HSF2: variants seen among roughly 807,000 people sequenced by gnomAD.
HSF2 encodes heat shock factor protein 2.
HSF2 carries 21 observed loss-of-function variants against 65.0 expected under a neutral mutation model. That is an observed-to-expected ratio of 0.32 (90% CI 0.23 to 0.47). HSF2 has a LOEUF of 0.47. Ranked by LOEUF, HSF2 falls within the 20% of genes least tolerant of loss-of-function variation. The pLI, the probability that HSF2 is intolerant of heterozygous loss-of-function variation, is 1.00. For synonymous variants in HSF2, 225 were observed against 219.1 expected (o/e 1.03, Z -0.24); for missense variants, 499 against 628.1 (o/e 0.79, Z 2.20).
At chr6:122,403,005 G>A (rs1773775312) in intron 1 of HSF2, among the ~76,000 whole-genome samples, 1 of 150,436 alleles carries the variant, frequency 6.6e-6, no homozygotes, top group Non-Finnish European at 1.5e-5. Context: ...ACAAGCTTTT[G>A]TGCAGTTTTT....
chr6:122,399,898 G>C (rs1773679242), intron 1 of HSF2, 68 bp downstream of exon 1: 1 of 1,230,256 alleles, frequency 8.1e-7, no homozygotes, highest in Non-Finnish European at 1.2e-6. Context: ...CTCCTGCGGG[G>C]TGGTCTCTCG....
chr6:122,431,589 G>C, intron 12 of HSF2, 75 bp downstream of exon 12: 2 of 780,444 alleles, frequency 2.6e-6, no homozygotes, highest in East Asian at 5.4e-5. Context: ...GCCGAGGGTA[G>C]TCTTAATTGA....
chr6:122,412,507 A>G (rs746225187), intron 2 of HSF2, 26 bp downstream of exon 2: 8 of 1,543,500 alleles, frequency 5.2e-6, no homozygotes, highest in Middle Eastern at 1.7e-4. Flanking sequence ...AGTTTATTGG[A>G]GTACCATTAT....
At position 122,422,123 on chromosome 6, in the gene HSF2, G is replaced by C. The variant is rs377022358; in HGVS notation, c.682-27G>C. 12 of 1,500,288 alleles carry C rather than the reference G, an allele frequency of 8.0e-6. No individual in the cohort carries two copies. The African/African-American group carries it at 1.7e-4, about 21-fold the overall frequency. The allele number at this position is 1,500,288 out of a possible 1,614,324, so 92.9% of individuals were successfully genotyped here. A position where few individuals can be genotyped will look rare whatever the true frequency, so the allele number is the denominator to read the frequency against. On this transcript the variant is annotated intron_variant, in intron 7 of 12. Transcript: ENST00000368455. ...TGGTAGTCAATGATTTTGATTTTTAGATATATTTTTCTCTCTGAATTTTTA... is the reference window on the plus strand; with the variant it reads ...TGGTAGTCAATGATTTTGATTTTTACATATATTTTTCTCTCTGAATTTTTA...
At chr6:122,412,064 A>C (rs541439183) in intron 1 of HSF2, among the ~76,000 whole-genome samples, 1 of 151,850 alleles carries the variant, frequency 6.6e-6, no homozygotes, top group Non-Finnish European at 1.5e-5. Flanking sequence ...TATGCTGTCT[A>C]CATAATTGTA....
chr6:122,416,371 T>C, intron 5 of HSF2, 75 bp downstream of exon 5: 4 of 886,958 alleles, frequency 4.5e-6, no homozygotes, highest in Non-Finnish European at 7.4e-6. Context: ...AAAAGGTCTT[T>C]ATTGAGTGTC....
chr6:122,422,622 TG>T, intron 8 of HSF2, 95 bp from the exon 9 acceptor site: 1 of 1,254,418 alleles, frequency 8.0e-7, no homozygotes, highest in Non-Finnish European at 1.1e-6. Flanking sequence ...TTTCAGTATG[TG>T]GTATGGGGAG....
chr6:122,425,429 C>T (rs1254656358), intron 10 of HSF2, among the ~76,000 whole-genome samples: 2 of 151,946 alleles, frequency 1.3e-5, no homozygotes, highest in African/African-American at 2.4e-5. Flanking sequence ...CTGTTATAGG[C>T]TCATGTTATT....
At chr6:122,418,306 A>G (rs1291461335) in intron 5 of HSF2, among the ~76,000 whole-genome samples, 3 of 152,172 alleles carry the variant, frequency 2.0e-5, no homozygotes, top group Non-Finnish European at 4.4e-5. Flanking sequence ...TACTCACATC[A>G]GTATCCAGTC....
At chr6:122,406,141 T>G (rs1353003870) in intron 1 of HSF2, among the ~76,000 whole-genome samples, 1 of 152,216 alleles carries the variant, frequency 6.6e-6, no homozygotes, top group Non-Finnish European at 1.5e-5. Context: ...GAAAGATATT[T>G]ATTTAAGGAA....
chr6:122,419,869 C>T (rs1380073957), intron 6 of HSF2, among the ~76,000 whole-genome samples: 1 of 151,840 alleles, frequency 6.6e-6, no homozygotes, highest in Non-Finnish European at 1.5e-5. Flanking sequence ...TTGTGTGGTT[C>T]GGTAAGCAAT....
Position 122,422,779 on chromosome 6 carries a change from G to A in HSF2, c.892G>A (p.Val298Ile). Residue 298 changes from valine (V) to isoleucine (I), a missense_variant, in exon 9 of 13, where the codon GTC becomes ATC. Around this residue, in one of 2 missense-constraint regions of HSF2, gnomAD observed 349 missense variants for 393.5 expected, o/e 0.89. Coordinates refer to ENST00000368455, the MANE Select transcript of HSF2 (RefSeq NM_004506.4). Reference protein sequence around the residue: ...EDDNEDEYAPVIQSGEQNEPA... With the variant: ...EDDNEDEYAPIIQSGEQNEPA... ...TGACAATGAAGATGAGTATGCACCT[G>A]TCATTCAGAGTGGAGAGCAGAATGA... The A allele has an allele frequency of 6.2e-7, 1 of 1,613,056 alleles. No individual in the cohort carries two copies. Among genetic ancestry groups the A allele is most frequent in the Non-Finnish European group, 8.5e-7 (1 of 1,179,182 alleles).
chr6:122,429,740 G>C (rs540831016), intron 11 of HSF2, among the ~76,000 whole-genome samples: 1 of 152,130 alleles, frequency 6.6e-6, no homozygotes, highest in South Asian at 2.1e-4. Context: ...TTTTATTAAA[G>C]GCTTTTCTGC....
At chr6:122,431,566 G>A in intron 12 of HSF2, 52 bp downstream of exon 12, 1 of 1,004,198 alleles carries the variant, frequency 1.0e-6, no homozygotes. Context: ...ATCCTATGCA[G>A]AAACAAGTGC....
At position 122,399,689 on chromosome 6, in the gene HSF2, TA is replaced by T. The variant is rs1562195048; in HGVS notation, c.-48del. On this transcript the variant is annotated 5_prime_UTR_variant, in exon 1 of 13. Coordinates refer to ENST00000368455, the MANE Select transcript of HSF2 (RefSeq NM_004506.4). ...CTGCTGCCGTAGCTGCCGCCGCCGC[TA>T]CCACCGCGTTCGGGTGTAGAATTTG... 2.0e-6 allele frequency: 3 copies of T among 1,526,868 alleles called. No homozygotes were observed. In the South Asian group the frequency reaches 3.4e-5, roughly 17 times the overall value. The allele number at this position is 1,526,868 out of a possible 1,614,324, so 94.6% of individuals were successfully genotyped here. A position where few individuals can be genotyped will look rare whatever the true frequency, so the allele number is the denominator to read the frequency against.
At chr6:122,408,523 T>TATA (rs1156468460) in intron 1 of HSF2, among the ~76,000 whole-genome samples, 3 of 152,152 alleles carry the variant, frequency 2.0e-5, no homozygotes, top group African/African-American at 7.2e-5. Context: ...GGATATCTTA[T>TATA]ATATGTTGTA....
At chr6:122,403,585 C>A (rs972312370) in intron 1 of HSF2, among the ~76,000 whole-genome samples, 1 of 152,098 alleles carries the variant, frequency 6.6e-6, no homozygotes, top group Non-Finnish European at 1.5e-5. Flanking sequence ...CCAGCCTGAA[C>A]AACAGAACGA....
intron 8 of HSF2, 51 bp from the exon 9 acceptor site, chr6:122,422,667 A>G (rs2114448224): frequency 6.3e-7 from 1 of 1,585,442 alleles, no homozygotes; most frequent in East Asian, 2.2e-5. Context: ...GATAGTATGA[A>G]CTTATTAAAT....
intron 1 of HSF2, among the ~76,000 whole-genome samples, chr6:122,405,718 T>G (rs1773855297): frequency 6.6e-6 from 1 of 152,222 alleles, no homozygotes. Context: ...AAAAAAAGTT[T>G]AAATAGAACA....
Sources: gnomAD v4.1 joint callset for allele counts (sites outside exome capture counted in the v4.1 genomes callset) on GRCh38, gnomAD v4.1.1 for gene constraint, gnomAD v4.1.1 regional missense constraint, MANE v1.5 for transcripts, NCBI Gene and HGNC (gene_info 2026-07-23, HGNC 2026-07-21) for gene names.